Variants in ETS1 observed in about 807,000 individuals in gnomAD.
The protein encoded by ETS1 is protein C-ets-1.
In ETS1, 15 loss-of-function variants were observed where a neutral mutation model predicts 58.6. That is an observed-to-expected ratio of 0.26 (90% CI 0.17 to 0.39). The LOEUF (loss-of-function observed/expected upper bound fraction) is 0.39, where lower values mean the gene tolerates loss of function less well. Among genes scored for constraint, ETS1 ranks in the 10% least tolerant of loss-of-function variants. ETS1 has a pLI of 1.00. For missense variants in ETS1, 417 were observed against 610.5 expected (o/e 0.68, Z 3.34); for synonymous variants, 214 against 218.2 (o/e 0.98, Z 0.17).
intron 1 of ETS1, among the ~76,000 whole-genome samples, chr11:128,577,372 G>A (rs746522273): frequency 6.6e-6 from 1 of 152,084 alleles, no homozygotes; most frequent in Non-Finnish European, 1.5e-5. Context: ...TCCCATCACC[G>A]CATATGAATA....
chr11:128,462,317 C>T lies in ETS1; in HGVS notation c.*44G>A, dbSNP rs1861923862. On this transcript the variant is annotated 3_prime_UTR_variant, in exon 10 of 10. Coordinates refer to ENST00000392668, the MANE Select transcript of ETS1 (RefSeq NM_001143820.2). ...TTCAGAGTCCAACCAACACGGCTGTCCTTGGAAGGTCTCAGCAGGGTTTCC... is the reference window on the plus strand; with the variant it reads ...TTCAGAGTCCAACCAACACGGCTGTTCTTGGAAGGTCTCAGCAGGGTTTCC... 2 of 1,459,062 alleles carry T rather than the reference C, an allele frequency of 1.4e-6. No homozygotes were observed. The highest frequency in any genetic ancestry group is 1.9e-6 in the Non-Finnish European group (2 of 1,042,856). 90.4% of individuals were successfully genotyped at this position (1,459,062 alleles called of 1,614,324 possible).
At position 128,459,245 on chromosome 11, in the gene ETS1, T is replaced by A. The variant is rs1861844087; in HGVS notation, c.*3116A>T. On this transcript the variant is annotated 3_prime_UTR_variant, in exon 10 of 10. Coordinates refer to ENST00000392668, the MANE Select transcript of ETS1 (RefSeq NM_001143820.2). ...ACATATATTTATGGTTCCTTGAAACTTCTTTGGAATGTAGGTAAGAGTTCA... is the reference window on the plus strand; with the variant it reads ...ACATATATTTATGGTTCCTTGAAACATCTTTGGAATGTAGGTAAGAGTTCA... 6.6e-6 allele frequency: 1 copy of A among 152,324 alleles called. No homozygotes were observed. Among genetic ancestry groups the A allele is most frequent in the Admixed American group, 6.6e-5 (1 of 15,248 alleles). 9.4% of individuals were successfully genotyped at this position (152,324 alleles called of 1,614,324 possible).
At chr11:128,515,254 A>T (rs1329576226) in intron 3 of ETS1, among the ~76,000 whole-genome samples, 8 of 145,996 alleles carry the variant, frequency 5.5e-5, no homozygotes, top group East Asian at 3.9e-4. Context: ...TCTCTCTGTC[A>T]CACACACACA....
At chr11:128,559,067 C>A (rs1438043917) in intron 2 of ETS1, among the ~76,000 whole-genome samples, 1 of 152,116 alleles carries the variant, frequency 6.6e-6, no homozygotes, top group Non-Finnish European at 1.5e-5. Flanking sequence ...GCATGGTTTG[C>A]CAAAAACAAA....
At chr11:128,514,002 A>T (rs1450466292) in intron 3 of ETS1, among the ~76,000 whole-genome samples, 1 of 152,244 alleles carries the variant, frequency 6.6e-6, no homozygotes. Flanking sequence ...ACACAAAAAA[A>T]GTAATTAATT....
chr11:128,573,896 C>A (rs981110863), intron 1 of ETS1, among the ~76,000 whole-genome samples: 3 of 152,144 alleles, frequency 2.0e-5, no homozygotes, highest in African/African-American at 7.2e-5. Flanking sequence ...TTTAAAAAGT[C>A]GTTCTTGAAT....
chr11:128,562,240 C>G (rs1189893263), intron 2 of ETS1, among the ~76,000 whole-genome samples: 1 of 152,126 alleles, frequency 6.6e-6, no homozygotes, highest in African/African-American at 2.4e-5. Context: ...GAAACCCCGG[C>G]TCTATTAAAA....
At chr11:128,585,865 C>A (rs1158376617) in intron 1 of ETS1, among the ~76,000 whole-genome samples, 3 of 152,180 alleles carry the variant, frequency 2.0e-5, no homozygotes, top group Non-Finnish European at 4.4e-5. Flanking sequence ...CTTCTCCGAC[C>A]CAGCGCTGGT....
At chr11:128,521,757 TCTCCTCCTC>T (rs996668968) in intron 3 of ETS1, among the ~76,000 whole-genome samples, 3 of 151,514 alleles carry the variant, frequency 2.0e-5, no homozygotes, top group Non-Finnish European at 1.5e-5. Flanking sequence ...TCCTCCTCCT[TCTCCTCCTC>T]GTCCTCCAGA....
chr11:128,566,905 AG>A, intron 2 of ETS1, among the ~76,000 whole-genome samples: 1 of 152,172 alleles, frequency 6.6e-6, no homozygotes, highest in East Asian at 1.9e-4. Context: ...TGCCTGGACC[AG>A]GAGTAAAGGC....
At chr11:128,569,247 T>C (rs1864570821) in intron 2 of ETS1, among the ~76,000 whole-genome samples, 1 of 148,282 alleles carries the variant, frequency 6.7e-6, no homozygotes, top group Non-Finnish European at 1.5e-5. Flanking sequence ...AAGCACCCCC[T>C]ACTGAAAACC....
At chr11:128,545,502 G>T (rs1864120517) in intron 3 of ETS1, among the ~76,000 whole-genome samples, 1 of 152,194 alleles carries the variant, frequency 6.6e-6, no homozygotes, top group Admixed American at 6.5e-5. Context: ...TATCTCATCT[G>T]TAAAATGGGA....
chr11:128,506,544 G>T (rs1591627105), intron 3 of ETS1, among the ~76,000 whole-genome samples: 1 of 152,288 alleles, frequency 6.6e-6, no homozygotes, highest in East Asian at 1.9e-4. Flanking sequence ...CTAGGGGAGG[G>T]GGTAGGAAGG....
At chr11:128,521,636 G>A (rs1460246842) in intron 3 of ETS1, among the ~76,000 whole-genome samples, 2 of 152,286 alleles carry the variant, frequency 1.3e-5, no homozygotes, top group Admixed American at 6.5e-5. Flanking sequence ...GGAATGGGGC[G>A]CTGGAAATTC....
chr11:128,533,184 C>T (rs1863925304), intron 3 of ETS1, among the ~76,000 whole-genome samples: 1 of 152,188 alleles, frequency 6.6e-6, no homozygotes, highest in Admixed American at 6.5e-5. Context: ...GTTCATACTG[C>T]TTTTAAAATA....
intron 3 of ETS1, among the ~76,000 whole-genome samples, chr11:128,513,588 C>T (rs553354362): frequency 6.6e-6 from 1 of 151,408 alleles, no homozygotes; most frequent in African/African-American, 2.4e-5. Flanking sequence ...GCATTTATTT[C>T]GTGTCTTAAT....
At chr11:128,558,190 C>T (rs570138973) in intron 2 of ETS1, among the ~76,000 whole-genome samples, 1 of 152,306 alleles carries the variant, frequency 6.6e-6, no homozygotes, top group African/African-American at 2.4e-5. Flanking sequence ...GGAAATGTCA[C>T]CAGTTGTGTT....
intron 3 of ETS1, among the ~76,000 whole-genome samples, chr11:128,509,549 AAT>A (rs142332537): frequency 0.41 from 53,396 of 128,692 alleles, 10,186 homozygotes; most frequent in East Asian, 0.62. Context: ...ATCAGGTGAA[AAT>A]TTTTTTTTTT....
intron 1 of ETS1, among the ~76,000 whole-genome samples, chr11:128,585,178 GAA>G (rs1184352770): frequency 3.8e-5 from 1 of 26,064 alleles, no homozygotes; most frequent in Non-Finnish European, 6.6e-5. Context: ...GAGAAAGAAA[GAA>G]AGAAAGAAGG....
Sources: gnomAD v4.1 joint callset for allele counts (sites outside exome capture counted in the v4.1 genomes callset) on GRCh38, gnomAD v4.1.1 for gene constraint, MANE v1.5 for transcripts, NCBI Gene and HGNC (gene_info 2026-07-23, HGNC 2026-07-21) for gene names.